Variants in ACAN observed in about 807,000 individuals in gnomAD.
The protein encoded by ACAN is aggrecan.
A neutral mutation model predicts 169.1 loss-of-function variants in ACAN; 47 were observed. That is an observed-to-expected ratio of 0.28 (90% CI 0.22 to 0.35). The LOEUF (loss-of-function observed/expected upper bound fraction) is 0.35. ACAN is among the 10% of genes least tolerant of loss of function. The pLI is 1.00. For missense variants in ACAN, 2,716 were observed against 2,759.9 expected (o/e 0.98, Z 0.36); for synonymous variants, 1,115 against 1,112.2 (o/e 1.00, Z -0.05).
Position 88,857,767 on chromosome 15 carries a change from G to A in ACAN, c.5182G>A (p.Glu1728Lys). The change falls in exon 12 of 19, where the codon GAA becomes AAA. Residue 1728 changes from glutamate (E) to lysine (K), a missense_variant. Transcript: ENST00000560601. ...ATCTGGGTCTCCTGATGTCAGTGGG[G>A]AAATACCTGGACTCTTTGGTGTCAG... is the stretch of plus-strand genomic sequence containing the variant. ...QASGSPDVSG[E>K]IPGLFGVSGQ... 6.2e-7 allele frequency: 1 copy of A among 1,613,998 alleles called. No homozygotes were observed. Among genetic ancestry groups the A allele is most frequent in the Non-Finnish European group, 8.5e-7 (1 of 1,179,890 alleles).
At chr15:88,844,027 G>T (rs549269554) in intron 6 of ACAN, among the ~76,000 whole-genome samples, 1 of 152,202 alleles carries the variant, frequency 6.6e-6, no homozygotes, top group African/African-American at 2.4e-5. Context: ...CTGCAAAGAC[G>T]TTGGGGGTCT....
In ACAN at chr15:88,838,571, G is replaced by A; in HGVS notation, c.71-92G>A. ...CACTCATCGGATTTCGCTCTCTCAG[G>A]AGAGTGCATTGCTGGAAGGATGGAT... On this transcript the variant is annotated intron_variant, in intron 2 of 18. Transcript: ENST00000560601. The surrounding 1 kb of genome is among the most constrained non-coding windows in gnomAD (Gnocchi z 5.1). 1 of 1,431,046 alleles carries A rather than the reference G, an allele frequency of 7.0e-7. No individual in the cohort carries two copies. Among genetic ancestry groups the A allele is most frequent in the Non-Finnish European group, 9.5e-7 (1 of 1,054,206 alleles). 88.6% of individuals were successfully genotyped at this position (1,431,046 alleles called of 1,614,324 possible).
At chr15:88,819,010 AC>A (rs990693830) in intron 1 of ACAN, among the ~76,000 whole-genome samples, 4 of 152,168 alleles carry the variant, frequency 2.6e-5, no homozygotes, top group African/African-American at 9.7e-5. Flanking sequence ...CTTTGGAGAA[AC>A]CCTGACTGGA....
intron 11 of ACAN, among the ~76,000 whole-genome samples, chr15:88,853,679 T>G (rs1449220257): frequency 6.6e-6 from 1 of 152,120 alleles, no homozygotes; most frequent in Non-Finnish European, 1.5e-5. Flanking sequence ...AAGAGGGAAC[T>G]GTTATATTAT....
intron 1 of ACAN, among the ~76,000 whole-genome samples, chr15:88,835,375 A>G (rs1896475612): frequency 6.6e-6 from 1 of 152,130 alleles, no homozygotes; most frequent in Non-Finnish European, 1.5e-5. Flanking sequence ...ACATGCACAC[A>G]GACACACACA....
chr15:88,874,257 G>A lies in ACAN; in HGVS notation c.7631-148G>A, dbSNP rs1897457722. 9.4e-7 allele frequency: 1 copy of A among 1,066,308 alleles called. No homozygotes were observed. Among genetic ancestry groups the A allele is most frequent in the African/African-American group, 1.6e-5 (1 of 62,928 alleles). 66.1% of individuals were successfully genotyped at this position (1,066,308 alleles called of 1,614,324 possible). On this transcript the variant is annotated intron_variant, in intron 18 of 18. Coordinates refer to ENST00000560601, the MANE Select transcript of ACAN (RefSeq NM_001369268.1). The surrounding 1 kb of genome is among the most constrained non-coding windows in gnomAD (Gnocchi z 7.3). ...AAGGAGAAAAAGCCAGAAAGTCCAA[G>A]AAAAATCCAAATCAGGAAAGCCGAT... is the stretch of plus-strand genomic sequence containing the variant.
At chr15:88,836,033 G>T (rs937790922) in intron 1 of ACAN, among the ~76,000 whole-genome samples, 167 bp from the exon 2 acceptor site, 1 of 152,196 alleles carries the variant, frequency 6.6e-6, no homozygotes, top group East Asian at 1.9e-4. Context: ...TGTGAGGGAA[G>T]GATTTTTTAA....
In ACAN at chr15:88,849,431, C is replaced by A. The variant is rs779327158; in HGVS notation, c.1733-7C>A. 6.4e-7 allele frequency: 1 copy of A among 1,573,138 alleles called. No homozygotes were observed. Among genetic ancestry groups the A allele is most frequent in the African/African-American group, 1.3e-5 (1 of 74,316 alleles). ...GGTCATATTCTACCCCTTGCCTCTGCCCCCAGGGGAGGTGTTCTTCGCCAC... is the reference window on the plus strand; with the variant it reads ...GGTCATATTCTACCCCTTGCCTCTGACCCCAGGGGAGGTGTTCTTCGCCAC... On this transcript the variant is annotated splice_polypyrimidine_tract_variant and splice_region_variant and intron_variant, in intron 9 of 18. Transcript: ENST00000560601. This position sits in a 1 kb window ranked among gnomAD's most constrained non-coding sequence, Gnocchi z 5.1.
At chr15:88,834,610 C>A (rs560411586) in intron 1 of ACAN, among the ~76,000 whole-genome samples, 1 of 152,252 alleles carries the variant, frequency 6.6e-6, no homozygotes, top group African/African-American at 2.4e-5. Context: ...GATCCTCCAT[C>A]CGCTCCAAGG....
chr15:88,824,306 C>T (rs184529749), intron 1 of ACAN, among the ~76,000 whole-genome samples: 364 of 148,704 alleles, frequency 2.4e-3, no homozygotes, highest in African/African-American at 7.8e-3. Flanking sequence ...GGTGACAGAG[C>T]GAGACTCCGT....
chr15:88,857,083 G>A lies in ACAN; in HGVS notation c.4498G>A (p.Ala1500Thr). The change falls in exon 12 of 19, where the codon GCC becomes ACC. Residue 1500 changes from alanine to threonine, a missense_variant. By Grantham distance (58) the Ala-to-Thr change is moderately conservative. Around this residue, in one of 3 missense-constraint regions of ACAN, gnomAD observed 1,389 missense variants for 1,363.7 expected, o/e 1.02. Coordinates refer to ENST00000560601, the MANE Select transcript of ACAN (RefSeq NM_001369268.1). ...LPSGEVVETS[A>T]SGIEDVSELP... ...TTCTGGAGAGGTTGTAGAGACTTCTGCCTCTGGAATAGAGGATGTCAGTGA... is the reference window on the plus strand; with the variant it reads ...TTCTGGAGAGGTTGTAGAGACTTCTACCTCTGGAATAGAGGATGTCAGTGA... The A allele has an allele frequency of 6.2e-7, 1 of 1,606,704 alleles. No individual in the cohort carries two copies. Among genetic ancestry groups the A allele is most frequent in the South Asian group, 1.1e-5 (1 of 90,238 alleles).
chr15:88,820,240 A>T (rs923137207), intron 1 of ACAN, among the ~76,000 whole-genome samples: 21 of 152,184 alleles, frequency 1.4e-4, no homozygotes, highest in Admixed American at 1.2e-3. Context: ...CCTCCCAGTC[A>T]GTCTCCTTGC....
At chr15:88,852,246 A>C (rs1170443645) in intron 11 of ACAN, among the ~76,000 whole-genome samples, 1 of 152,036 alleles carries the variant, frequency 6.6e-6, no homozygotes, top group Non-Finnish European at 1.5e-5. Context: ...TTGTCCATAA[A>C]ATTTTTTTAT....
intron 1 of ACAN, among the ~76,000 whole-genome samples, 151 bp downstream of exon 1, chr15:88,803,960 G>C (rs1895609687): frequency 6.6e-6 from 1 of 152,212 alleles, no homozygotes; most frequent in South Asian, 2.1e-4. Flanking sequence ...CACATCCACC[G>C]GCTGCGTCCG....
At chr15:88,821,740 C>T (rs1002021036) in intron 1 of ACAN, among the ~76,000 whole-genome samples, 1 of 152,190 alleles carries the variant, frequency 6.6e-6, no homozygotes, top group African/African-American at 2.4e-5. Flanking sequence ...GTCCACTCAG[C>T]CAACACTGAA....
intron 13 of ACAN, among the ~76,000 whole-genome samples, chr15:88,862,958 A>G (rs1897224853): frequency 6.7e-6 from 1 of 149,024 alleles, no homozygotes; most frequent in Non-Finnish European, 1.5e-5. Flanking sequence ...AGATTGTTGC[A>G]CTGCACTCCA....
chr15:88,838,936 A>T lies in ACAN; in HGVS notation c.344A>T (p.Asp115Val). The T allele has an allele frequency of 3.1e-6, 5 of 1,613,948 alleles. No individual in the cohort carries two copies. The highest frequency in any genetic ancestry group is 4.2e-6 in the Non-Finnish European group (5 of 1,179,902). Reference sequence around the variant, plus strand: ...CCCAACTACCCGGCCATCCCCAGTGACGCCACCTTGGAAGTCCAGAGCCTG... The same window carrying T: ...CCCAACTACCCGGCCATCCCCAGTGTCGCCACCTTGGAAGTCCAGAGCCTG... ...SLPNYPAIPS[D>V]ATLEVQSLRS... Residue 115 changes from aspartate (D) to valine (V), a missense_variant, in exon 3 of 19, where the codon GAC (aspartate) becomes GTC (valine). Asp to Val is a radical substitution (Grantham distance 152). Around this residue, in one of 3 missense-constraint regions of ACAN, gnomAD observed 1,283 missense variants for 1,281.5 expected, o/e 1.00. Coordinates refer to ENST00000560601, the MANE Select transcript of ACAN (RefSeq NM_001369268.1). The surrounding 1 kb of genome is among the most constrained non-coding windows in gnomAD (Gnocchi z 5.1).
rs191404107 is a variant in ACAN, at chr15:88,854,892, G to A, written c.2307G>A (p.Glu769=). ...PTWPPTGAAT[E]ESTEGPSATE... ...GGCCTCCCACTGGCGCAGCAACAGA[G>A]GAAAGTACAGAAGGCCCTTCTGCAA... The change falls in exon 12 of 19, where the codon GAG becomes GAA. Residue 769 remains glutamate (E), a synonymous_variant. Coordinates refer to ENST00000560601, the MANE Select transcript of ACAN (RefSeq NM_001369268.1). The A allele has an allele frequency of 3.3e-4, 508 of 1,537,772 alleles. 7 individuals carry two copies. In the Admixed American group the frequency reaches 0.01, roughly 31 times the overall value.
At chr15:88,853,993 A>T (rs895589292) in intron 11 of ACAN, among the ~76,000 whole-genome samples, 1 of 152,236 alleles carries the variant, frequency 6.6e-6, no homozygotes, top group Non-Finnish European at 1.5e-5. Context: ...TAGGCCCCAA[A>T]GTACATACAA....
Sources: allele counts gnomAD v4.1 joint callset (sites outside exome capture counted in the v4.1 genomes callset), GRCh38; gene constraint gnomAD v4.1.1; regional missense constraint gnomAD v4.1.1; non-coding constraint Gnocchi (gnomAD v3.1); transcripts MANE v1.5; gene names NCBI Gene and HGNC (gene_info 2026-07-23, HGNC 2026-07-21).